The following RAB2B variants were observed in gnomAD, a reference collection of about 807,000 sequenced individuals.
The protein encoded by RAB2B is RAB2B, member RAS oncogene family, also known as ras-related protein Rab-2B.
Under a neutral mutation model 29.8 loss-of-function variants are expected in RAB2B, and 20 were observed. That is an observed-to-expected ratio of 0.67 (90% CI 0.47 to 0.97). The LOEUF (loss-of-function observed/expected upper bound fraction) is 0.97. Ranked by LOEUF, RAB2B falls within the 50% of genes least tolerant of loss-of-function variation. The pLI, the probability that RAB2B is intolerant of heterozygous loss-of-function variation, is 0.00. For missense variants in RAB2B, 218 were observed against 272.0 expected (o/e 0.80, Z 1.40); for synonymous variants, 93 against 91.7 (o/e 1.01, Z -0.08).
intron 6 of RAB2B, among the ~76,000 whole-genome samples, chr14:21,462,951 G>A (rs1253466638): frequency 6.6e-6 from 1 of 151,874 alleles, no homozygotes; most frequent in Non-Finnish European, 1.5e-5. Flanking sequence ...GGGTATTCTG[G>A]TACTGACCCA....
chr14:21,476,425 G>A (rs962947686), intron 2 of RAB2B, 103 bp downstream of exon 2: 2 of 1,297,936 alleles, frequency 1.5e-6, no homozygotes, highest in Admixed American at 1.8e-5. Flanking sequence ...AAGTAGTGAG[G>A]GGTAACTTTT....
intron 3 of RAB2B, among the ~76,000 whole-genome samples, chr14:21,469,853 G>A (rs1890764972): frequency 6.6e-6 from 1 of 151,652 alleles, no homozygotes; most frequent in Non-Finnish European, 1.5e-5. Flanking sequence ...ACTACTTTTT[G>A]GCATATAAAA....
intron 6 of RAB2B, among the ~76,000 whole-genome samples, chr14:21,463,199 CT>C (rs1204076552): frequency 4.6e-5 from 7 of 150,950 alleles, no homozygotes; most frequent in African/African-American, 1.7e-4. Flanking sequence ...GGGACAATTC[CT>C]TTAAAAGGAA....
chr14:21,474,476 G>A, intron 3 of RAB2B: 1 of 192,346 alleles, frequency 5.2e-6, no homozygotes, highest in Non-Finnish European at 1.1e-5. Flanking sequence ...ATTTCTATGT[G>A]TTTACATGTA....
chr14:21,463,555 C>G, intron 6 of RAB2B, 101 bp downstream of exon 6: 1 of 926,734 alleles, frequency 1.1e-6, no homozygotes, highest in Non-Finnish European at 1.7e-6. Context: ...CCAAGACATC[C>G]TTTCTTTACC....
chr14:21,469,185 C>T (rs1036975664), intron 3 of RAB2B, among the ~76,000 whole-genome samples: 4 of 152,002 alleles, frequency 2.6e-5, no homozygotes, highest in African/African-American at 7.3e-5. Flanking sequence ...ATTGAACACA[C>T]CATATTAATC....
chr14:21,476,658 G>A (rs781719385), intron 1 of RAB2B, 59 bp from the exon 2 acceptor site: 118 of 1,613,424 alleles, frequency 7.3e-5, no homozygotes, highest in Middle Eastern at 1.7e-4. Flanking sequence ...CCAGAGTATG[G>A]ACTTCCCGGA....
Position 21,468,458 on chromosome 14 carries a change from GA to G in RAB2B, c.270-10del. 6.2e-7 allele frequency: 1 copy of G among 1,612,222 alleles called. No homozygotes were observed. The highest frequency in any genetic ancestry group is 8.5e-7 in the Non-Finnish European group (1 of 1,178,540). ...GGTTGAAGGTTTCACGCCTACAGCA[GA>G]AAAATTTAGAATGTGGGTCAGAGAC... On this transcript the variant is annotated splice_polypyrimidine_tract_variant and intron_variant, in intron 4 of 7. Coordinates refer to ENST00000397762, the MANE Select transcript of RAB2B (RefSeq NM_032846.4).
Position 21,468,794 on chromosome 14 carries a change from G to A in RAB2B, c.187-42C>T, listed in dbSNP as rs1195521884. 4 of 1,388,998 alleles carry A rather than the reference G, an allele frequency of 2.9e-6. No homozygotes were observed. The South Asian group carries it at 4.9e-5, about 17-fold the overall frequency. The allele number at this position is 1,388,998 out of a possible 1,614,324, so 86.0% of individuals were successfully genotyped here. A position where few individuals can be genotyped will look rare whatever the true frequency, so the allele number is the denominator to read the frequency against. On this transcript the variant is annotated intron_variant, in intron 3 of 7. Coordinates refer to ENST00000397762, the MANE Select transcript of RAB2B (RefSeq NM_032846.4). ...GCAACAAAAAATCCCAACAAAACCA[G>A]GTTATTTCCACAGAACCGACTTGAT...
chr14:21,464,459 T>C (rs1198497608), intron 5 of RAB2B, among the ~76,000 whole-genome samples: 1 of 152,132 alleles, frequency 6.6e-6, no homozygotes, highest in East Asian at 1.9e-4. Flanking sequence ...TCATAAGATG[T>C]CCCATCCAGC....
intron 5 of RAB2B, among the ~76,000 whole-genome samples, chr14:21,466,159 A>G (rs763395425): frequency 2.0e-5 from 3 of 152,226 alleles, no homozygotes; most frequent in Non-Finnish European, 4.4e-5. Flanking sequence ...AATCTGGCAC[A>G]GTCGTTTTCA....
chr14:21,469,507 G>C (rs1890757656), intron 3 of RAB2B, among the ~76,000 whole-genome samples: 1 of 152,154 alleles, frequency 6.6e-6, no homozygotes, highest in Non-Finnish European at 1.5e-5. Flanking sequence ...AAGATATTAA[G>C]TTCTATTTAA....
chr14:21,464,730 G>A (rs189447102), intron 5 of RAB2B, among the ~76,000 whole-genome samples: 9 of 152,112 alleles, frequency 5.9e-5, no homozygotes, highest in East Asian at 3.9e-4. Context: ...AGAGCTGGGC[G>A]TGGTGGCTCA....
At chr14:21,469,826 C>T (rs1460903084) in intron 3 of RAB2B, among the ~76,000 whole-genome samples, 1 of 152,096 alleles carries the variant, frequency 6.6e-6, no homozygotes, top group Non-Finnish European at 1.5e-5. Context: ...AATTATAACA[C>T]TGCAATAGTA....
At position 21,475,429 on chromosome 14, in the gene RAB2B, A is replaced by AC. The variant is rs201443983; in HGVS notation, c.119-496dup. 4.6e-4 allele frequency among the ~76,000 whole-genome samples: 51 copies of AC among 110,318 alleles called. 1 individual carries two copies. The East Asian group carries it at 0.014, about 29-fold the overall frequency. 72.4% of individuals were successfully genotyped at this position (110,318 alleles called of 152,430 possible). A position where few individuals can be genotyped will look rare whatever the true frequency, so the allele number is the denominator to read the frequency against. On this transcript the variant is annotated intron_variant, in intron 2 of 7. Coordinates refer to ENST00000397762, the MANE Select transcript of RAB2B (RefSeq NM_032846.4). ...TAAGAAATAGGTTCTCAGAAACAAT[A>AC]CTTTTTTTTTTTTTTTTTTGAGATG... is the stretch of plus-strand genomic sequence containing the variant.
At position 21,464,893 on chromosome 14, in the gene RAB2B, C is replaced by T. The variant is rs143463675; in HGVS notation, c.363-1126G>A. 9.9e-4 allele frequency among the ~76,000 whole-genome samples: 150 copies of T among 151,928 alleles called. 1 individual carries two copies. The highest frequency in any genetic ancestry group is 2.5e-4 in the Non-Finnish European group (17 of 67,966). ...TGACACATGCCTGTAGTCCCAGCTA[C>T]GTGAGAGGCTGAGGTGAGAGGATCT... is the stretch of plus-strand genomic sequence containing the variant. On this transcript the variant is annotated intron_variant, in intron 5 of 7. Transcript: ENST00000397762.
intron 3 of RAB2B, among the ~76,000 whole-genome samples, chr14:21,474,095 G>A (rs1344482296): frequency 3.3e-5 from 5 of 152,282 alleles, no homozygotes; most frequent in African/African-American, 9.6e-5. Flanking sequence ...GGAGGCTGAG[G>A]CTGGAGAATT....
intron 5 of RAB2B, 140 bp from the exon 6 acceptor site, chr14:21,463,907 CAG>C (rs1303463876): frequency 5.0e-6 from 3 of 604,732 alleles, no homozygotes; most frequent in Non-Finnish European, 8.7e-6. Context: ...TACTCTTATA[CAG>C]AGTTACTGAT....
chr14:21,468,622 A>G (rs747011744), intron 4 of RAB2B, 48 bp downstream of exon 4: 23 of 1,408,482 alleles, frequency 1.6e-5, no homozygotes, highest in Middle Eastern at 1.8e-4. Context: ...AAAAAGCTTT[A>G]GAGGATTTAG....
Sources: allele counts gnomAD v4.1 joint callset (sites outside exome capture counted in the v4.1 genomes callset), GRCh38; gene constraint gnomAD v4.1.1; transcripts MANE v1.5; gene names NCBI Gene and HGNC (gene_info 2026-07-23, HGNC 2026-07-21).